ROR1: variants seen among roughly 807,000 people sequenced by gnomAD.
ROR1 encodes the protein inactive tyrosine-protein kinase transmembrane receptor ROR1.
A neutral mutation model predicts 78.8 loss-of-function variants in ROR1; 19 were observed. The observed-to-expected ratio is 0.24, with a 90% CI of 0.17 to 0.35. ROR1 has a LOEUF of 0.35. Among genes scored for constraint, ROR1 ranks in the 10% least tolerant of loss-of-function variants. The pLI is 1.00. For synonymous variants in ROR1, 386 were observed against 433.6 expected (o/e 0.89, Z 1.36); for missense variants, 917 against 1,177.8 (o/e 0.78, Z 3.24).
At chr1:63,877,174 T>C (rs762496063) in intron 1 of ROR1, among the ~76,000 whole-genome samples, 16 of 152,146 alleles carry the variant, frequency 1.1e-4, no homozygotes, top group Non-Finnish European at 2.2e-4. Flanking sequence ...CATATTCAGC[T>C]ACCAAGACCC....
intron 1 of ROR1, among the ~76,000 whole-genome samples, chr1:63,894,695 T>C (rs1337867965): frequency 6.6e-6 from 1 of 152,196 alleles, no homozygotes; most frequent in African/African-American, 2.4e-5. Flanking sequence ...CACTGCCTTA[T>C]GCATAATCCC....
chr1:64,140,456 C>T (rs1649273701), intron 6 of ROR1, 30 bp downstream of exon 6: 8 of 1,595,706 alleles, frequency 5.0e-6, no homozygotes, highest in Non-Finnish European at 6.9e-6. Context: ...CTTCTGTGCT[C>T]TTCTAAGGGT....
At chr1:63,775,932 A>G (rs190322056) in intron 1 of ROR1, among the ~76,000 whole-genome samples, 50 of 152,380 alleles carry the variant, frequency 3.3e-4, no homozygotes, top group African/African-American at 1.2e-3. Flanking sequence ...AATGAAATGT[A>G]AACAGCTTGG....
intron 4 of ROR1, among the ~76,000 whole-genome samples, chr1:64,132,696 G>T (rs961268504): frequency 7.4e-6 from 1 of 135,426 alleles, no homozygotes; most frequent in Non-Finnish European, 1.5e-5. Context: ...GGAGGTGGAG[G>T]TTTCAGTGAG....
chr1:64,059,093 A>G (rs959916885), intron 4 of ROR1, among the ~76,000 whole-genome samples: 1 of 152,130 alleles, frequency 6.6e-6, no homozygotes. Flanking sequence ...CATTGAGATT[A>G]TCTAAGTTAT....
chr1:64,076,642 A>T (rs1304581260), intron 4 of ROR1, among the ~76,000 whole-genome samples: 1 of 152,206 alleles, frequency 6.6e-6, no homozygotes. Context: ...AAGTCCACAG[A>T]CTATTTACCA....
At chr1:64,083,055 A>G (rs1158529791) in intron 4 of ROR1, among the ~76,000 whole-genome samples, 1 of 152,238 alleles carries the variant, frequency 6.6e-6, no homozygotes, top group African/African-American at 2.4e-5. Flanking sequence ...CTGAATCTCA[A>G]GAGTCTCCCT....
At chr1:64,151,618 A>AG (rs1182425874) in intron 7 of ROR1, among the ~76,000 whole-genome samples, 1 of 152,022 alleles carries the variant, frequency 6.6e-6, no homozygotes, top group East Asian at 1.9e-4. Flanking sequence ...TATGCCTGTA[A>AG]TCCTAGCACT....
At chr1:63,912,190 C>G (rs1251866437) in intron 1 of ROR1, among the ~76,000 whole-genome samples, 1 of 150,824 alleles carries the variant, frequency 6.6e-6, no homozygotes, top group East Asian at 1.9e-4. Flanking sequence ...TCCAGCAACT[C>G]TGGAGGCTGA....
At chr1:64,034,183 A>ATTTTTTT (rs35110436) in intron 2 of ROR1, among the ~76,000 whole-genome samples, 1 of 144,082 alleles carries the variant, frequency 6.9e-6, no homozygotes, top group Non-Finnish European at 1.5e-5. Flanking sequence ...TTGCTTTTTC[A>ATTTTTTT]TTTTTTTTTT....
At chr1:64,107,594 T>A (rs1178613711) in intron 4 of ROR1, among the ~76,000 whole-genome samples, 1 of 152,124 alleles carries the variant, frequency 6.6e-6, no homozygotes, top group Non-Finnish European at 1.5e-5. Context: ...TTTTTTTAAG[T>A]CAAGCTTTGT....
intron 1 of ROR1, among the ~76,000 whole-genome samples, chr1:64,004,628 T>C (rs556155231): frequency 8.5e-5 from 13 of 152,308 alleles, no homozygotes; most frequent in African/African-American, 2.9e-4. Flanking sequence ...GGATACAGGA[T>C]GTGGCATGGC....
At chr1:63,989,645 G>A (rs1306267709) in intron 1 of ROR1, among the ~76,000 whole-genome samples, 1 of 152,158 alleles carries the variant, frequency 6.6e-6, no homozygotes, top group African/African-American at 2.4e-5. Flanking sequence ...CAGCTATCAA[G>A]TATTCACTAG....
At position 63,921,417 on chromosome 1, in the gene ROR1, A is replaced by AG. The variant is rs2100429806; in HGVS notation, c.92-87886dup. Among the ~76,000 whole-genome samples, 4 of 152,242 alleles carry AG rather than the reference A, an allele frequency of 2.6e-5. 1 individual carries two copies. In the East Asian group the frequency reaches 7.7e-4, roughly 29 times the overall value. On this transcript the variant is annotated intron_variant, in intron 1 of 8. Coordinates refer to ENST00000371079, the MANE Select transcript of ROR1 (RefSeq NM_005012.4). ...TCTTAGAGAACCAAGTAAATGGCAG[A>AG]GGAAATACAAGCAGGATAAGACAGG...
chr1:63,974,166 G>A (rs535190440), intron 1 of ROR1, among the ~76,000 whole-genome samples: 26 of 152,280 alleles, frequency 1.7e-4, no homozygotes, highest in Non-Finnish European at 3.7e-4. Context: ...AGTTTGCAAA[G>A]CATTGAGATG....
At chr1:64,013,743 G>A (rs371633626) in intron 2 of ROR1, among the ~76,000 whole-genome samples, 41 of 152,316 alleles carry the variant, frequency 2.7e-4, no homozygotes, top group African/African-American at 9.4e-4. Context: ...ATGGGGTACC[G>A]TATTAGCCTA....
Position 63,947,119 on chromosome 1 carries a change from C to T in ROR1, c.92-62186C>T, listed in dbSNP as rs139561356. Among the ~76,000 whole-genome samples the T allele has an allele frequency of 9.1e-4, 138 of 152,284 alleles. 1 individual carries two copies. Among genetic ancestry groups the T allele is most frequent in the African/African-American group, 3.1e-3 (128 of 41,558 alleles). On this transcript the variant is annotated intron_variant, in intron 1 of 8. Transcript: ENST00000371079. ...CTCTCAGACTGCTGTCTCGGTTCCA[C>T]GGTGATTGGCGTCCTGAGTAAATAC... is the stretch of plus-strand genomic sequence containing the variant.
At chr1:63,832,533 A>T (rs904632438) in intron 1 of ROR1, among the ~76,000 whole-genome samples, 34 of 152,180 alleles carry the variant, frequency 2.2e-4, no homozygotes, top group African/African-American at 7.7e-4. Flanking sequence ...GCCAAACCGT[A>T]TCAACCAGTG....
At chr1:64,030,724 G>T (rs969400528) in intron 2 of ROR1, among the ~76,000 whole-genome samples, 37 of 152,066 alleles carry the variant, frequency 2.4e-4, no homozygotes, top group Non-Finnish European at 4.1e-4. Context: ...CTCTATCCCT[G>T]ACATAGACTT....
Sources: allele counts gnomAD v4.1 joint callset (sites outside exome capture counted in the v4.1 genomes callset), GRCh38; gene constraint gnomAD v4.1.1; transcripts MANE v1.5; gene names NCBI Gene and HGNC (gene_info 2026-07-23, HGNC 2026-07-21).